Variants in C8orf74 observed in about 807,000 individuals in gnomAD.
The protein encoded by C8orf74 is chromosome 8 open reading frame 74.
A neutral mutation model predicts 22.2 loss-of-function variants in C8orf74; 29 were observed. The observed-to-expected ratio is 1.31, with a 90% CI of 0.97 to 1.78. The LOEUF is 1.78. C8orf74 is among the 40% of genes most tolerant of loss of function. The pLI, the probability that C8orf74 is intolerant of heterozygous loss-of-function variation, is 0.00. For missense variants in C8orf74, 515 were observed against 369.9 expected (o/e 1.39, Z -3.22); for synonymous variants, 255 against 163.1 (o/e 1.56, Z -4.30).
intron 2 of C8orf74, among the ~76,000 whole-genome samples, chr8:10,694,228 T>C (rs1248576484): frequency 6.6e-6 from 1 of 152,172 alleles, no homozygotes; most frequent in East Asian, 1.9e-4. Context: ...GTTGTCATAG[T>C]ATTGCCAGAA....
intron 2 of C8orf74, among the ~76,000 whole-genome samples, chr8:10,684,588 A>C (rs1799221623): frequency 6.6e-6 from 1 of 152,216 alleles, no homozygotes; most frequent in Non-Finnish European, 1.5e-5. Context: ...AGTCCCCTCT[A>C]ATCCATCAGA....
rs777260204 is a variant in C8orf74 at position 10,697,672 on chromosome 8, C to A, written c.315C>A (p.Thr105=). 6 of 1,613,994 alleles carry A rather than the reference C, an allele frequency of 3.7e-6. No individual in the cohort carries two copies. In the South Asian group the frequency reaches 6.6e-5, roughly 18 times the overall value. Reference sequence around the variant, plus strand: ...ATTACCGGGGCCATTTCAACACCACCCACCTGCTGGCCCTCTGTGACTACT... The same window carrying A: ...ATTACCGGGGCCATTTCAACACCACACACCTGCTGGCCCTCTGTGACTACT... The part of the protein sequence containing the change: ...LRDYRGHFNT[T]HLLALCDYFH... The change falls in exon 3 of 4, where the codon ACC becomes ACA. Residue 105 remains threonine (T), a synonymous_variant. Transcript: ENST00000304519.
intron 2 of C8orf74, among the ~76,000 whole-genome samples, chr8:10,697,236 C>T (rs192378365): frequency 3.3e-5 from 5 of 152,158 alleles, no homozygotes; most frequent in African/African-American, 4.8e-5. Flanking sequence ...CTCAGGAGTT[C>T]AGCCTGGGCA....
chr8:10,679,346 C>T (rs1586032830), intron 2 of C8orf74, among the ~76,000 whole-genome samples: 2 of 152,174 alleles, frequency 1.3e-5, no homozygotes, highest in African/African-American at 2.4e-5. Flanking sequence ...ATGCCCCGCC[C>T]GGACAGCAGC....
chr8:10,699,020 CA>C (rs1374741022), intron 3 of C8orf74, among the ~76,000 whole-genome samples: 1 of 151,982 alleles, frequency 6.6e-6, no homozygotes, highest in African/African-American at 2.4e-5. Flanking sequence ...AGACAAATAG[CA>C]CATCAGGGGG....
intron 2 of C8orf74, 143 bp from the exon 3 acceptor site, chr8:10,697,456 A>C (rs1219605196): frequency 7.5e-6 from 5 of 669,170 alleles, no homozygotes; most frequent in Non-Finnish European, 1.2e-5. Context: ...CTCAAAAAAA[A>C]TAAATAGAAA....
At chr8:10,680,588 T>G (rs922638218) in intron 2 of C8orf74, among the ~76,000 whole-genome samples, 9 of 152,204 alleles carry the variant, frequency 5.9e-5, no homozygotes, top group African/African-American at 1.9e-4. Context: ...CTTTCTTGTC[T>G]TGCCTTCATC....
intron 2 of C8orf74, among the ~76,000 whole-genome samples, chr8:10,694,070 T>A (rs1378624848): frequency 6.6e-6 from 1 of 152,210 alleles, no homozygotes; most frequent in Non-Finnish European, 1.5e-5. Context: ...CACTCTGGGA[T>A]GCAGCTCACA....
At chr8:10,696,342 C>A (rs1368171847) in intron 2 of C8orf74, among the ~76,000 whole-genome samples, 1 of 152,064 alleles carries the variant, frequency 6.6e-6, no homozygotes, top group Admixed American at 6.6e-5. Context: ...TAATATTTTC[C>A]CAACTCTGCA....
rs59324425 is a variant in C8orf74 at position 10,698,901 on chromosome 8, CCACACACACACACACA to C, written c.648+926_648+941del. ...GTATTCCTTTAGGGTTACACACACA[CCACACACACACACACA>C]CACACACACACACACACACACACAC... On this transcript the variant is annotated intron_variant, in intron 3 of 3. Transcript: ENST00000304519. Among the ~76,000 whole-genome samples the C allele has an allele frequency of 6.0e-3, 829 of 137,600 alleles. 4 individuals are homozygous for C. Among genetic ancestry groups the C allele is most frequent in the Non-Finnish European group, 8.3e-3 (535 of 64,130 alleles). The allele number at this position is 137,600 out of a possible 152,430, so 90.3% of individuals were successfully genotyped here.
At chr8:10,676,372 C>G (rs867463174) in intron 2 of C8orf74, among the ~76,000 whole-genome samples, 1 of 152,086 alleles carries the variant, frequency 6.6e-6, no homozygotes, top group African/African-American at 2.4e-5. Context: ...CTAACCTCAC[C>G]ACTTCTGACC....
chr8:10,695,989 C>T (rs1228928048), intron 2 of C8orf74, among the ~76,000 whole-genome samples: 1 of 152,172 alleles, frequency 6.6e-6, no homozygotes, highest in South Asian at 2.1e-4. Context: ...GCCAAGTCCA[C>T]AGTACATTTC....
chr8:10,675,908 G>A (rs1374168139), intron 2 of C8orf74: 3 of 152,200 alleles, frequency 2.0e-5, no homozygotes, highest in African/African-American at 7.2e-5. Flanking sequence ...GGCCTGTCTG[G>A]GTCTTTTTGC....
chr8:10,676,997 T>A (rs1799046625), intron 2 of C8orf74, among the ~76,000 whole-genome samples: 1 of 152,204 alleles, frequency 6.6e-6, no homozygotes, highest in Non-Finnish European at 1.5e-5. Context: ...TAGGGCGCTC[T>A]GGAGCTTTCG....
intron 2 of C8orf74, among the ~76,000 whole-genome samples, chr8:10,680,658 G>C (rs987369216): frequency 1.3e-5 from 2 of 152,228 alleles, no homozygotes; most frequent in Admixed American, 6.5e-5. Context: ...CTCTGACCTG[G>C]ACTCTAACCA....
In C8orf74 at chr8:10,700,500, T is replaced by C. The variant is rs1400735464; in HGVS notation, c.*29T>C. The C allele has an allele frequency of 7.0e-7, 1 of 1,418,674 alleles. No individual in the cohort carries two copies. The highest frequency in any genetic ancestry group is 2.5e-5 in the East Asian group (1 of 40,524). The allele number at this position is 1,418,674 out of a possible 1,614,324, so 87.9% of individuals were successfully genotyped here. ...GTCCCGACTGCCACACGAGACTGAC[T>C]GGGGACCAGCCACCCATAACCATGA... On this transcript the variant is annotated 3_prime_UTR_variant, in exon 4 of 4. Transcript: ENST00000304519.
At chr8:10,685,729 GC>G (rs1206093396) in intron 2 of C8orf74, among the ~76,000 whole-genome samples, 8 of 152,286 alleles carry the variant, frequency 5.3e-5, no homozygotes, top group South Asian at 2.1e-4. Flanking sequence ...AGTGATGGCT[GC>G]AAAATAATGT....
intron 2 of C8orf74, chr8:10,691,446 G>A (rs1236268357): frequency 6.2e-6 from 1 of 160,176 alleles, no homozygotes; most frequent in Non-Finnish European, 1.4e-5. Flanking sequence ...CACAGCTGCA[G>A]GATGCAGGTG....
intron 2 of C8orf74, among the ~76,000 whole-genome samples, chr8:10,695,171 C>T (rs1212094767): frequency 2.0e-5 from 3 of 152,086 alleles, no homozygotes; most frequent in Non-Finnish European, 4.4e-5. Flanking sequence ...TGATTGCTGG[C>T]TTGTATTAGG....
Sources: gnomAD v4.1 joint callset for allele counts (sites outside exome capture counted in the v4.1 genomes callset) on GRCh38, gnomAD v4.1.1 for gene constraint, MANE v1.5 for transcripts, NCBI Gene and HGNC (gene_info 2026-07-23, HGNC 2026-07-21) for gene names.